The following CDYL variants were observed in gnomAD, a reference collection of about 807,000 sequenced individuals.
CDYL encodes chromodomain Y-like protein.
Under a neutral mutation model 47.3 loss-of-function variants are expected in CDYL, and 8 were observed. That is an observed-to-expected ratio of 0.17 (90% CI 0.10 to 0.31). CDYL has a LOEUF of 0.31. CDYL is among the 10% of genes least tolerant of loss of function. The probability of loss-of-function intolerance (pLI) is 1.00; values close to 1 mark genes in which losing one functional copy is unlikely to be tolerated. For synonymous variants in CDYL, 266 were observed against 265.0 expected (o/e 1.00, Z -0.04); for missense variants, 471 against 701.4 (o/e 0.67, Z 3.71).
At chr6:4,926,133 C>G (rs1191473396) in intron 2 of CDYL, among the ~76,000 whole-genome samples, 5 of 152,150 alleles carry the variant, frequency 3.3e-5, no homozygotes, top group Non-Finnish European at 7.3e-5. Flanking sequence ...AGCAAAGACA[C>G]TTTTACAATT....
At chr6:4,708,145 TACACACAC>T (rs66538207) in intron 1 of CDYL, among the ~76,000 whole-genome samples, 6,086 of 149,448 alleles carry the variant, frequency 0.041, 160 homozygotes, top group Middle Eastern at 0.08. Flanking sequence ...TTGTGTTGTG[TACACACAC>T]ACACACACAC....
chr6:4,875,177 T>TAGC (rs1761586033), intron 1 of CDYL, among the ~76,000 whole-genome samples: 1 of 152,212 alleles, frequency 6.6e-6, no homozygotes, highest in African/African-American at 2.4e-5. Context: ...TCCTGCATCC[T>TAGC]AGCAGCACTG....
At chr6:4,900,826 T>TAC (rs1757024994) in intron 2 of CDYL, among the ~76,000 whole-genome samples, 1 of 96,954 alleles carries the variant, frequency 1.0e-5, no homozygotes, top group African/African-American at 3.8e-5. Flanking sequence ...TATATATATA[T>TAC]ATATCTTGCC....
chr6:4,924,294 C>A (rs1337650152), intron 2 of CDYL, among the ~76,000 whole-genome samples: 1 of 152,132 alleles, frequency 6.6e-6, no homozygotes, highest in Non-Finnish European at 1.5e-5. Context: ...ATTGCAGGAA[C>A]CTTAGCTTAC....
In CDYL at chr6:4,922,557, C is replaced by T. The variant is rs370243612; in HGVS notation, c.692-12958C>T. Among the ~76,000 whole-genome samples the T allele has an allele frequency of 1.9e-4, 29 of 152,288 alleles. No homozygotes were observed. The East Asian group carries it at 4.6e-3, about 24-fold the overall frequency. On this transcript the variant is annotated intron_variant, in intron 2 of 6. Transcript: ENST00000397588. The stretch of plus-strand genomic sequence containing the variant: ...CGTGTTTCCTTGGGTGCAGCTTTAA[C>T]GAGCAGCACGGCGTAATCCAGGTGG...
At chr6:4,856,461 G>A (rs969743787) in intron 1 of CDYL, among the ~76,000 whole-genome samples, 2 of 152,178 alleles carry the variant, frequency 1.3e-5, no homozygotes, top group African/African-American at 4.8e-5. Context: ...GAGGGAAGGG[G>A]ACAAGGGGCC....
intron 2 of CDYL, among the ~76,000 whole-genome samples, chr6:4,896,654 C>T (rs1762292918): frequency 6.6e-6 from 1 of 152,228 alleles, no homozygotes; most frequent in Non-Finnish European, 1.5e-5. Flanking sequence ...AGAAGCCGCG[C>T]TGAAGCTCTG....
intron 1 of CDYL, among the ~76,000 whole-genome samples, chr6:4,804,080 T>C (rs961315930): frequency 5.9e-5 from 9 of 151,746 alleles, no homozygotes; most frequent in Admixed American, 1.3e-4. Flanking sequence ...CCAGTCAAGG[T>C]CCATAATTTT....
At chr6:4,764,371 C>T (rs1413279112) in intron 3 of CDYL, among the ~76,000 whole-genome samples, 2 of 152,070 alleles carry the variant, frequency 1.3e-5, no homozygotes, top group Non-Finnish European at 2.9e-5. Context: ...CTCACTGCAG[C>T]CTCTGCCTTC....
intron 5 of CDYL, among the ~76,000 whole-genome samples, chr6:4,950,906 T>A (rs1420914072): frequency 1.5e-5 from 2 of 135,706 alleles, no homozygotes; most frequent in African/African-American, 5.6e-5. Context: ...CACTCCAGCC[T>A]GGGCGACAGA....
chr6:4,816,777 C>T (rs1000898049), intron 1 of CDYL, among the ~76,000 whole-genome samples: 5 of 152,172 alleles, frequency 3.3e-5, no homozygotes, highest in African/African-American at 1.2e-4. Context: ...GCATGAGCCA[C>T]TGTGCCCAGC....
chr6:4,865,411 C>A (rs1761293511), intron 1 of CDYL, among the ~76,000 whole-genome samples: 1 of 152,308 alleles, frequency 6.6e-6, no homozygotes, highest in African/African-American at 2.4e-5. Flanking sequence ...GCATAAGAAC[C>A]CCTTCCCCTC....
At chr6:4,933,520 A>C (rs1758093924) in intron 2 of CDYL, among the ~76,000 whole-genome samples, 2 of 152,210 alleles carry the variant, frequency 1.3e-5, no homozygotes. Context: ...GGAGAGGTGA[A>C]GACAGCAAGT....
chr6:4,749,715 A>G (rs1415193371), intron 3 of CDYL, among the ~76,000 whole-genome samples: 12 of 152,242 alleles, frequency 7.9e-5, no homozygotes, highest in Admixed American at 7.9e-4. Context: ...CTCATCGGAA[A>G]CCTAAGACAT....
chr6:4,764,534 C>T (rs1010518982), intron 3 of CDYL, among the ~76,000 whole-genome samples: 5 of 152,110 alleles, frequency 3.3e-5, no homozygotes, highest in African/African-American at 1.2e-4. Context: ...ATGATCTGTC[C>T]ACCTCAGCCT....
intron 2 of CDYL, among the ~76,000 whole-genome samples, chr6:4,927,428 C>CGT (rs35317751): frequency 0.099 from 14,101 of 142,460 alleles, 744 homozygotes; most frequent in Middle Eastern, 0.17. Context: ...ATTTACTGTA[C>CGT]GTGTGTGTGT....
At chr6:4,864,644 A>T (rs1761268548) in intron 1 of CDYL, among the ~76,000 whole-genome samples, 2 of 152,248 alleles carry the variant, frequency 1.3e-5, no homozygotes, top group African/African-American at 4.8e-5. Context: ...GTGTTGTGAC[A>T]CTGAATAAGT....
intron 2 of CDYL, among the ~76,000 whole-genome samples, chr6:4,905,217 T>C (rs543172343): frequency 8.5e-5 from 13 of 152,146 alleles, no homozygotes; most frequent in Non-Finnish European, 1.6e-4. Flanking sequence ...CATGGCTTGC[T>C]GTTCTCTTCA....
At chr6:4,823,872 AT>A (rs1759907905) in intron 1 of CDYL, among the ~76,000 whole-genome samples, 1 of 152,206 alleles carries the variant, frequency 6.6e-6, no homozygotes, top group Non-Finnish European at 1.5e-5. Flanking sequence ...CTCTGTAACC[AT>A]TATGTAAAAA....
Sources: allele counts gnomAD v4.1 joint callset (sites outside exome capture counted in the v4.1 genomes callset), GRCh38; gene constraint gnomAD v4.1.1; transcripts MANE v1.5; gene names NCBI Gene and HGNC (gene_info 2026-07-23, HGNC 2026-07-21).